CFAP45: variants seen among roughly 807,000 people sequenced by gnomAD.
The protein encoded by CFAP45 is cilia- and flagella-associated protein 45.
CFAP45 carries 43 observed loss-of-function variants against 75.6 expected under a neutral mutation model. That is an observed-to-expected ratio of 0.57 (90% CI 0.45 to 0.73). The LOEUF is 0.73. Ranked by LOEUF, CFAP45 falls within the 30% of genes least tolerant of loss-of-function variation. The pLI, the probability that CFAP45 is intolerant of heterozygous loss-of-function variation, is 0.00. For missense variants in CFAP45, 689 were observed against 701.5 expected (o/e 0.98, Z 0.20); for synonymous variants, 223 against 244.6 (o/e 0.91, Z 0.82).
At position 159,898,563 on chromosome 1, in the gene CFAP45, G is replaced by T. The variant is rs955365108; in HGVS notation, c.3+1533C>A. Among the ~76,000 whole-genome samples the T allele has an allele frequency of 3.3e-5, 5 of 152,334 alleles. No homozygotes were observed. The East Asian group carries it at 5.8e-4, about 18-fold the overall frequency. ...CCCAGGAATTACAGAGGGGCTCAGTGAGTGAGTCAAACCCCTGCCCTGAGT... is the reference window on the plus strand; with the variant it reads ...CCCAGGAATTACAGAGGGGCTCAGTTAGTGAGTCAAACCCCTGCCCTGAGT... On this transcript the variant is annotated intron_variant, in intron 1 of 11. Transcript: ENST00000368099.
At chr1:159,875,912 T>A (rs1649388453) in intron 10 of CFAP45, among the ~76,000 whole-genome samples, 1 of 152,160 alleles carries the variant, frequency 6.6e-6, no homozygotes, top group Admixed American at 6.5e-5. Context: ...AAATTATCAT[T>A]GAGCCAAAAG....
At chr1:159,884,797 G>A (rs1345779436) in intron 6 of CFAP45, among the ~76,000 whole-genome samples, 2 of 152,118 alleles carry the variant, frequency 1.3e-5, no homozygotes, top group African/African-American at 2.4e-5. Context: ...CACTCTTCCT[G>A]AGATTCTCCT....
At chr1:159,892,437 G>A (rs893296456) in intron 2 of CFAP45, among the ~76,000 whole-genome samples, 2 of 152,194 alleles carry the variant, frequency 1.3e-5, no homozygotes, top group African/African-American at 4.8e-5. Flanking sequence ...CAATGAAGAT[G>A]TTGAAGAGCA....
intron 5 of CFAP45, among the ~76,000 whole-genome samples, chr1:159,887,437 A>G (rs939661456): frequency 2.0e-5 from 3 of 152,246 alleles, no homozygotes; most frequent in Admixed American, 2.0e-4. Context: ...AAAGCATCCA[A>G]TTGCCTCGAC....
chr1:159,886,402 AG>A (rs1649678332), intron 6 of CFAP45, 108 bp downstream of exon 6: 1 of 959,214 alleles, frequency 1.0e-6, no homozygotes, highest in African/African-American at 1.6e-5. Flanking sequence ...GATAATAAGT[AG>A]ATGACAATAA....
chr1:159,874,332 C>T (rs552247413), intron 10 of CFAP45, among the ~76,000 whole-genome samples: 1 of 152,214 alleles, frequency 6.6e-6, no homozygotes, highest in African/African-American at 2.4e-5. Flanking sequence ...AGCTTTCTTC[C>T]AAGATCCACC....
chr1:159,876,387 C>A lies in CFAP45; in HGVS notation c.1352+169G>T, dbSNP rs1402370241. ...TTCTCTAATCACATAATTCTTGGCT[C>A]AAGTGATTTTTAAAAGTTTCAATCA... On this transcript the variant is annotated intron_variant, in intron 10 of 11. Coordinates refer to ENST00000368099, the MANE Select transcript of CFAP45 (RefSeq NM_012337.3). 48 of 615,946 alleles carry A rather than the reference C, an allele frequency of 7.8e-5. 1 individual carries two copies. The East Asian group carries it at 1.3e-3, about 17-fold the overall frequency. 38.2% of individuals were successfully genotyped at this position (615,946 alleles called of 1,614,324 possible).
chr1:159,888,506 G>A lies in CFAP45; in HGVS notation c.273-10C>T, dbSNP rs377337563. 121 of 1,613,208 alleles carry A rather than the reference G, an allele frequency of 7.5e-5. No individual in the cohort carries two copies. The African/African-American group carries it at 1.6e-3, about 21-fold the overall frequency. On this transcript the variant is annotated splice_polypyrimidine_tract_variant and intron_variant, in intron 3 of 11. Coordinates refer to ENST00000368099, the MANE Select transcript of CFAP45 (RefSeq NM_012337.3). ...ATCCTCTGTGGGAACACTGTCACAA[G>A]AATAAACAGAGTTAGGGAGGGGAGA...
intron 10 of CFAP45, among the ~76,000 whole-genome samples, chr1:159,874,437 C>T (rs1649354677): frequency 6.6e-6 from 1 of 152,208 alleles, no homozygotes; most frequent in South Asian, 2.1e-4. Flanking sequence ...CCCAGTTTAC[C>T]CGAAGAATAC....
intron 3 of CFAP45, among the ~76,000 whole-genome samples, chr1:159,888,797 C>A (rs970861892): frequency 7.5e-4 from 111 of 148,240 alleles, no homozygotes; most frequent in Admixed American, 2.0e-3. Flanking sequence ...TCTGCCCCCC[C>A]ACCAAGGACC....
intron 8 of CFAP45, among the ~76,000 whole-genome samples, chr1:159,879,201 C>A (rs1265341826): frequency 1.3e-5 from 2 of 152,194 alleles, no homozygotes; most frequent in Non-Finnish European, 2.9e-5. Context: ...GTCCAAGACA[C>A]CCCAACAACT....
At chr1:159,878,164 A>T (rs995169243) in intron 8 of CFAP45, among the ~76,000 whole-genome samples, 9 of 152,264 alleles carry the variant, frequency 5.9e-5, no homozygotes, top group Admixed American at 5.9e-4. Flanking sequence ...TATGTCATAG[A>T]CAATTTTCAA....
intron 1 of CFAP45, chr1:159,898,136 C>T (rs573788708): frequency 1.4e-5 from 14 of 985,418 alleles, no homozygotes; most frequent in African/African-American, 1.4e-4. Flanking sequence ...AAACTCTTGG[C>T]CTGGTTCTAC....
intron 3 of CFAP45, among the ~76,000 whole-genome samples, chr1:159,889,228 TATA>T (rs1191754084): frequency 6.7e-6 from 1 of 149,006 alleles, no homozygotes; most frequent in South Asian, 2.1e-4. Context: ...AATCGCTAAT[TATA>T]ATGATTACAA....
At chr1:159,898,636 G>A (rs551876175) in intron 1 of CFAP45, among the ~76,000 whole-genome samples, 1 of 152,294 alleles carries the variant, frequency 6.6e-6, no homozygotes, top group Non-Finnish European at 1.5e-5. Flanking sequence ...AAGCCCACAG[G>A]TCTTGCCCAG....
At chr1:159,899,624 C>T (rs916931905) in intron 1 of CFAP45, among the ~76,000 whole-genome samples, 8 of 152,010 alleles carry the variant, frequency 5.3e-5, no homozygotes, top group East Asian at 1.9e-4. Flanking sequence ...CCCGCCACCA[C>T]GCCCGGCTAA....
intron 5 of CFAP45, 115 bp downstream of exon 5, chr1:159,887,726 G>GCCCCCCC: frequency 1.1e-6 from 1 of 877,430 alleles, no homozygotes. Flanking sequence ...GCTCTCCCCC[G>GCCCCCCC]CCCCACCCCT....
chr1:159,876,305 G>T, intron 10 of CFAP45: 1 of 563,412 alleles, frequency 1.8e-6, no homozygotes, highest in Non-Finnish European at 3.2e-6. Context: ...ACTGTTCCAG[G>T]GTAAATAATC....
rs1185360193 is a variant in CFAP45 at position 159,890,603 on chromosome 1, C to T, written c.149G>A (p.Ser50Asn). 3 of 1,614,066 alleles carry T rather than the reference C, an allele frequency of 1.9e-6. No individual in the cohort carries two copies. The highest frequency in any genetic ancestry group is 2.2e-5 in the South Asian group (2 of 91,062). ...TCGGAGCAGCACAATGGGGCTGTCG[C>T]TCTGGCCCTGGGCTGGGGACTATGA... ...GDIKSPAQGQ[S>N]DSPIVLLRDK... Residue 50 changes from serine (S) to asparagine (N), a missense_variant, in exon 3 of 12, where the codon AGC (serine) becomes AAC (asparagine). Physicochemically the swap from Ser to Asn is conservative, Grantham distance 46 (BLOSUM62 1). Coordinates refer to ENST00000368099, the MANE Select transcript of CFAP45 (RefSeq NM_012337.3).
Sources: allele counts gnomAD v4.1 joint callset (sites outside exome capture counted in the v4.1 genomes callset), GRCh38; gene constraint gnomAD v4.1.1; transcripts MANE v1.5; gene names NCBI Gene and HGNC (gene_info 2026-07-23, HGNC 2026-07-21).